PIKFYVE: variants seen among roughly 807,000 people sequenced by gnomAD.
PIKFYVE encodes phosphoinositide kinase, FYVE-type zinc finger containing.
Under a neutral mutation model 257.9 loss-of-function variants are expected in PIKFYVE, and 122 were observed. The ratio of observed to expected loss-of-function variants is 0.47; its 90% CI spans 0.41 to 0.55. The LOEUF (loss-of-function observed/expected upper bound fraction) is 0.55, where lower values mean the gene tolerates loss of function less well. Ranked by LOEUF, PIKFYVE falls within the 20% of genes least tolerant of loss-of-function variation. PIKFYVE has a pLI of 0.00. For missense variants in PIKFYVE, 2,160 were observed against 2,536.6 expected, an observed-to-expected ratio of 0.85 and a Z score of 3.19; for synonymous variants, 892 against 868.9, an observed-to-expected ratio of 1.03 and a Z score of -0.47.
chr2:208,324,782 A>G, intron 18 of PIKFYVE, 129 bp from the exon 19 acceptor site: 1 of 1,145,878 alleles, frequency 8.7e-7, no homozygotes, highest in South Asian at 1.4e-5. Flanking sequence ...AAAAAAATTC[A>G]TCATATATTT....
At chr2:208,310,210 C>A (rs1694799267) in intron 12 of PIKFYVE, among the ~76,000 whole-genome samples, 1 of 152,038 alleles carries the variant, frequency 6.6e-6, no homozygotes, top group Non-Finnish European at 1.5e-5. Context: ...TAATAGAATT[C>A]TTTTGCCTCT....
In PIKFYVE at chr2:208,322,156, G is replaced by T. The variant is rs115787421; in HGVS notation, c.2190+1797G>T. On this transcript the variant is annotated intron_variant, in intron 17 of 41. Coordinates refer to ENST00000264380, the MANE Select transcript of PIKFYVE (RefSeq NM_015040.4). Reference sequence around the variant, plus strand: ...ACACTTTTGGAGCTGAAGGCAGGAGGATTGCTTGAGGCCAGGAGTTCAAGA... The same window carrying T: ...ACACTTTTGGAGCTGAAGGCAGGAGTATTGCTTGAGGCCAGGAGTTCAAGA... Among the ~76,000 whole-genome samples the T allele has an allele frequency of 3.3e-3, 509 of 152,144 alleles. 3 individuals carry two copies. The highest frequency in any genetic ancestry group is 0.012 in the African/African-American group (492 of 41,526).
Position 208,354,577 on chromosome 2 carries a change from T to A in PIKFYVE, c.6113T>A (p.Ile2038Asn). Residue 2038 changes from isoleucine to asparagine, a missense_variant, in exon 41 of 42, where the codon ATT becomes AAT. Coordinates refer to ENST00000264380, the MANE Select transcript of PIKFYVE (RefSeq NM_015040.4). Reference protein sequence around the residue: ...NELVVGIIDYIRTFTWDKKLE... With the variant: ...NELVVGIIDYNRTFTWDKKLE... Reference sequence around the variant, plus strand: ...CACTCCTTCTACCCCCCAGATTATATTCGAACATTTACATGGGACAAAAAG... The same window carrying A: ...CACTCCTTCTACCCCCCAGATTATAATCGAACATTTACATGGGACAAAAAG... 6.2e-7 allele frequency: 1 copy of A among 1,611,842 alleles called. No homozygotes were observed. Among genetic ancestry groups the A allele is most frequent in the Non-Finnish European group, 8.5e-7 (1 of 1,178,002 alleles).
intron 25 of PIKFYVE, 30 bp from the exon 26 acceptor site, chr2:208,335,762 CT>C: frequency 6.6e-7 from 1 of 1,511,298 alleles, no homozygotes. Context: ...TTCACCCTTT[CT>C]AAAGTGTTTA....
chr2:208,298,786 G>T lies in PIKFYVE; in HGVS notation c.1050+7G>T. 6.2e-7 allele frequency: 1 copy of T among 1,613,922 alleles called. No individual in the cohort carries two copies. Among genetic ancestry groups the T allele is most frequent in the Non-Finnish European group, 8.5e-7 (1 of 1,179,872 alleles). ...TGAACGCAAAATTCTTCTGGTACTGGTCCAGTATCTTTGACCCATTGCTAG... is the reference window on the plus strand; with the variant it reads ...TGAACGCAAAATTCTTCTGGTACTGTTCCAGTATCTTTGACCCATTGCTAG... On this transcript the variant is annotated splice_region_variant and intron_variant, in intron 8 of 41. Transcript: ENST00000264380.
chr2:208,309,576 C>G (rs183781692), intron 12 of PIKFYVE, among the ~76,000 whole-genome samples: 338 of 152,278 alleles, frequency 2.2e-3, no homozygotes, highest in African/African-American at 7.4e-3. Context: ...ATCTGAAAAC[C>G]ATGCTAAGGA....
chr2:208,346,223 A>T, intron 34 of PIKFYVE, 76 bp downstream of exon 34: 1 of 1,146,342 alleles, frequency 8.7e-7, no homozygotes, highest in Non-Finnish European at 1.3e-6. Flanking sequence ...ATACATAAAA[A>T]CAAATAAGTA....
chr2:208,338,379 G>GT, intron 28 of PIKFYVE, 129 bp from the exon 29 acceptor site: 5 of 678,970 alleles, frequency 7.4e-6, no homozygotes, highest in South Asian at 5.4e-5. Context: ...TATTAAGGGG[G>GT]TTTTTAGTAA....
chr2:208,334,010 A>G (rs568530991), intron 24 of PIKFYVE, among the ~76,000 whole-genome samples: 4 of 152,330 alleles, frequency 2.6e-5, no homozygotes, highest in South Asian at 4.1e-4. Flanking sequence ...ATTTTTGCCA[A>G]GATATTAACC....
At chr2:208,332,363 CTG>C (rs1697643436) in intron 23 of PIKFYVE, among the ~76,000 whole-genome samples, 1 of 152,110 alleles carries the variant, frequency 6.6e-6, no homozygotes, top group South Asian at 2.1e-4. Context: ...TTGTTGGAGA[CTG>C]TATACACTGG....
chr2:208,294,747 C>T (rs1420068130), intron 7 of PIKFYVE, among the ~76,000 whole-genome samples: 11 of 152,146 alleles, frequency 7.2e-5, no homozygotes. Context: ...TTCCTTCTCC[C>T]TGGGTAGGTT....
At chr2:208,339,760 G>C (rs1223054429) in intron 30 of PIKFYVE, among the ~76,000 whole-genome samples, 1 of 151,946 alleles carries the variant, frequency 6.6e-6, no homozygotes, top group Non-Finnish European at 1.5e-5. Flanking sequence ...ATTTAACTCG[G>C]GTGTAATAGC....
intron 7 of PIKFYVE, among the ~76,000 whole-genome samples, chr2:208,295,678 A>G (rs968053656): frequency 2.0e-5 from 3 of 152,202 alleles, no homozygotes; most frequent in Admixed American, 6.5e-5. Flanking sequence ...GTTATAAAGG[A>G]CACAATACAA....
At chr2:208,313,213 G>C (rs1447255861) in intron 13 of PIKFYVE, among the ~76,000 whole-genome samples, 2 of 152,060 alleles carry the variant, frequency 1.3e-5, no homozygotes, top group African/African-American at 4.8e-5. Context: ...TATTTGGTCA[G>C]ATTATTCAAC....
At chr2:208,277,820 T>C (rs1044273164) in intron 5 of PIKFYVE, 112 bp downstream of exon 5, 1 of 1,139,810 alleles carries the variant, frequency 8.8e-7, no homozygotes, top group South Asian at 1.3e-5. Context: ...GTGTAAGACA[T>C]GGGGACACAA....
At chr2:208,303,285 G>GCACA (rs56245288) in intron 10 of PIKFYVE, among the ~76,000 whole-genome samples, 2,265 of 149,356 alleles carry the variant, frequency 0.015, 55 homozygotes, top group African/African-American at 0.047. Flanking sequence ...ACACACACAG[G>GCACA]CACACACACA....
intron 5 of PIKFYVE, among the ~76,000 whole-genome samples, chr2:208,282,348 C>G (rs918409216): frequency 2.6e-5 from 4 of 152,158 alleles, no homozygotes; most frequent in African/African-American, 9.7e-5. Flanking sequence ...TAAAGCCATT[C>G]TTGGTACCAA....
rs1384424765 is a variant in PIKFYVE at position 208,356,389 on chromosome 2, A to C, written c.*1084A>C. 6.6e-6 allele frequency: 1 copy of C among 152,276 alleles called. No individual in the cohort carries two copies. Among genetic ancestry groups the C allele is most frequent in the African/African-American group, 2.4e-5 (1 of 41,480 alleles). The allele number at this position is 152,276 out of a possible 1,614,324, so 9.4% of individuals were successfully genotyped here. A position where few individuals can be genotyped will look rare whatever the true frequency, so the allele number is the denominator to read the frequency against. ...AGAAATAGGCCAAGTGCGGTGGCTC[A>C]CGCCTATAATCCTATCACTTTGGGA... On this transcript the variant is annotated 3_prime_UTR_variant, in exon 42 of 42. Transcript: ENST00000264380.
chr2:208,338,600 T>C (rs1010673028), intron 29 of PIKFYVE, 32 bp downstream of exon 29: 1 of 1,591,184 alleles, frequency 6.3e-7, no homozygotes, highest in Non-Finnish European at 8.6e-7. Flanking sequence ...TCACTTGCCG[T>C]AGGATTTAAA....
Sources: gnomAD v4.1 joint callset for allele counts (sites outside exome capture counted in the v4.1 genomes callset) on GRCh38, gnomAD v4.1.1 for gene constraint, MANE v1.5 for transcripts, NCBI Gene and HGNC (gene_info 2026-07-23, HGNC 2026-07-21) for gene names.